The following FZD6 variants were observed in gnomAD, a reference collection of about 807,000 sequenced individuals.
FZD6 encodes the protein frizzled-6.
A neutral mutation model predicts 61.4 loss-of-function variants in FZD6; 49 were observed. The ratio of observed to expected loss-of-function variants is 0.80; its 90% CI spans 0.63 to 1.01. The LOEUF is 1.01. Ranked by LOEUF, FZD6 falls within the 50% of genes least tolerant of loss-of-function variation. The pLI is 0.00. For missense variants in FZD6, 724 were observed against 848.2 expected (o/e 0.85, Z 1.82); for synonymous variants, 265 against 292.2 (o/e 0.91, Z 0.95).
At position 103,325,454 on chromosome 8, in the gene FZD6, G is replaced by A; in HGVS notation, c.1348G>A (p.Val450Ile). Residue 450 changes from valine to isoleucine, a missense_variant, in exon 4 of 7, where the codon GTC becomes ATC. Coordinates refer to ENST00000358755, the MANE Select transcript of FZD6 (RefSeq NM_003506.4). ...CAGGATTACCTGGGAGATAACTTGG[G>A]TCTCTGATCATTGTCGTCAGTACCA... Reference protein sequence around the residue: ...VNRITWEITWVSDHCRQYHIP... With the variant: ...VNRITWEITWISDHCRQYHIP... 6.2e-7 allele frequency: 1 copy of A among 1,613,658 alleles called. No homozygotes were observed. The highest frequency in any genetic ancestry group is 1.7e-5 in the Admixed American group (1 of 60,010).
chr8:103,320,452 G>A (rs1563690751), intron 3 of FZD6, among the ~76,000 whole-genome samples: 1 of 151,634 alleles, frequency 6.6e-6, no homozygotes, highest in South Asian at 2.1e-4. Context: ...AAAGATAAAG[G>A]TGCACTAAAA....
Position 103,332,535 on chromosome 8 carries a change from G to A in FZD6, c.*1026G>A, listed in dbSNP as rs1815171961. 1.3e-5 allele frequency: 2 copies of A among 152,266 alleles called. No individual in the cohort carries two copies. The highest frequency in any genetic ancestry group is 1.5e-5 in the Non-Finnish European group (1 of 68,010). 9.4% of individuals were successfully genotyped at this position (152,266 alleles called of 1,614,324 possible). A position where few individuals can be genotyped will look rare whatever the true frequency, so the allele number is the denominator to read the frequency against. Reference sequence around the variant, plus strand: ...ATTAAAAAGTGTGATAGCGATATTAGTGCCAATCAAATGGAAAAAAGGTAG... The same window carrying A: ...ATTAAAAAGTGTGATAGCGATATTAATGCCAATCAAATGGAAAAAAGGTAG... On this transcript the variant is annotated 3_prime_UTR_variant, in exon 7 of 7. Transcript: ENST00000358755.
Position 103,330,047 on chromosome 8 carries a change from G to T in FZD6, c.1934G>T (p.Ser645Ile), listed in dbSNP as rs371961225. 1 of 1,613,924 alleles carries T rather than the reference G, an allele frequency of 6.2e-7. No homozygotes were observed. Among genetic ancestry groups the T allele is most frequent in the East Asian group, 2.2e-5 (1 of 44,900 alleles). ...GKGQAGSVSE[S>I]ARSEGRISPK... ...GGCCAGGCAGGCAGTGTATCTGAAAGTGCGCGGAGTGAAGGAAGGTGAGAT... is the reference window on the plus strand; with the variant it reads ...GGCCAGGCAGGCAGTGTATCTGAAATTGCGCGGAGTGAAGGAAGGTGAGAT... The change falls in exon 6 of 7, where the codon AGT becomes ATT. Residue 645 changes from serine to isoleucine, a missense_variant. Physicochemically the swap from Ser to Ile is moderately radical, Grantham distance 142. Transcript: ENST00000358755.
intron 2 of FZD6, among the ~76,000 whole-genome samples, chr8:103,309,332 A>G (rs1814430667): frequency 6.6e-6 from 1 of 152,220 alleles, no homozygotes; most frequent in Non-Finnish European, 1.5e-5. Context: ...AGAACTGGCT[A>G]GCTTAGAGAG....
At chr8:103,327,465 G>A (rs575790439) in intron 4 of FZD6, among the ~76,000 whole-genome samples, 6 of 152,206 alleles carry the variant, frequency 3.9e-5, no homozygotes, top group Admixed American at 6.5e-5. Flanking sequence ...GCATGGTGGC[G>A]TACACTTGTA....
intron 3 of FZD6, among the ~76,000 whole-genome samples, chr8:103,319,858 G>T (rs540813471): frequency 1.3e-3 from 198 of 152,316 alleles, no homozygotes; most frequent in African/African-American, 4.4e-3. Flanking sequence ...TGAAGAGGAA[G>T]TAAAGCCAGA....
chr8:103,327,485 A>G (rs1251471965), intron 4 of FZD6, among the ~76,000 whole-genome samples: 4 of 152,156 alleles, frequency 2.6e-5, no homozygotes, highest in Non-Finnish European at 5.9e-5. Flanking sequence ...AGTCCCAGCT[A>G]CTTGGGAGGC....
At chr8:103,308,472 G>A (rs1360358217) in intron 2 of FZD6, among the ~76,000 whole-genome samples, 1 of 152,100 alleles carries the variant, frequency 6.6e-6, no homozygotes, top group Non-Finnish European at 1.5e-5. Flanking sequence ...AACATAGACA[G>A]TGATTGAAGT....
chr8:103,316,682 T>C (rs1193645522), intron 2 of FZD6, among the ~76,000 whole-genome samples: 1 of 152,238 alleles, frequency 6.6e-6, no homozygotes, highest in Non-Finnish European at 1.5e-5. Context: ...ATAGTCATTT[T>C]TTCATTTTCT....
chr8:103,298,518 G>C (rs1814035209), upstream of FZD6: 1 of 152,242 alleles, frequency 6.6e-6, no homozygotes, highest in African/African-American at 2.4e-5. Flanking sequence ...AAATCCGCAA[G>C]GAAGTGGGTT....
intron 2 of FZD6, among the ~76,000 whole-genome samples, chr8:103,307,570 T>A (rs1319192091): frequency 6.6e-6 from 1 of 152,218 alleles, no homozygotes; most frequent in African/African-American, 2.4e-5. Flanking sequence ...CTTAGATTAC[T>A]TTTTTGCCCT....
chr8:103,307,929 C>T, intron 2 of FZD6: 1 of 456,064 alleles, frequency 2.2e-6, no homozygotes, highest in South Asian at 1.5e-5. Context: ...GTGAGGACAA[C>T]TCTTGGATGG....
At chr8:103,304,048 G>C (rs1586501792) in intron 2 of FZD6, among the ~76,000 whole-genome samples, 1 of 152,122 alleles carries the variant, frequency 6.6e-6, no homozygotes, top group East Asian at 1.9e-4. Flanking sequence ...CTAAAGATCA[G>C]ATTGGGTTTT....
chr8:103,306,494 CTTTTTT>C (rs71292793), intron 2 of FZD6, among the ~76,000 whole-genome samples: 6 of 65,224 alleles, frequency 9.2e-5, no homozygotes, highest in South Asian at 8.4e-4. Flanking sequence ...AGGTTCATCA[CTTTTTT>C]TTTTTTTTTT....
At chr8:103,314,546 A>G (rs1421429590) in intron 2 of FZD6, among the ~76,000 whole-genome samples, 1 of 152,124 alleles carries the variant, frequency 6.6e-6, no homozygotes, top group African/African-American at 2.4e-5. Flanking sequence ...AAAGGATCCA[A>G]TCTCAGAGCA....
rs1160809849 is a variant in FZD6, at chr8:103,329,816, A to C, written c.1703A>C (p.His568Pro). 2 of 1,614,058 alleles carry C rather than the reference A, an allele frequency of 1.2e-6. No homozygotes were observed. Among genetic ancestry groups the C allele is most frequent in the Non-Finnish European group, 1.7e-6 (2 of 1,179,982 alleles). The change falls in exon 6 of 7, where the codon CAT becomes CCT. Residue 568 changes from histidine (H) to proline (P), a missense_variant. Transcript: ENST00000358755. ...MGTSTGATAN[H>P]GTSAVAITSH... Reference sequence around the variant, plus strand: ...ACCAGCACAGGAGCTACAGCAAATCATGGCACTTCTGCAGTAGCAATTACT... The same window carrying C: ...ACCAGCACAGGAGCTACAGCAAATCCTGGCACTTCTGCAGTAGCAATTACT...
intron 5 of FZD6, among the ~76,000 whole-genome samples, chr8:103,328,623 C>T (rs1439716344): frequency 4.0e-5 from 6 of 151,698 alleles, no homozygotes; most frequent in Admixed American, 3.9e-4. Context: ...TACTATTTAT[C>T]ATATAGTATA....
At chr8:103,306,756 C>T (rs184533283) in intron 2 of FZD6, among the ~76,000 whole-genome samples, 158 of 152,024 alleles carry the variant, frequency 1.0e-3, no homozygotes, top group African/African-American at 3.4e-3. Flanking sequence ...CCACCCACCT[C>T]GGCCTCCCAA....
In FZD6 at chr8:103,318,246, CA is replaced by C. The variant is rs1438524273; in HGVS notation, c.178-340del. 2.6e-5 allele frequency among the ~76,000 whole-genome samples: 4 copies of C among 152,234 alleles called. No individual in the cohort carries two copies. The East Asian group carries it at 7.7e-4, about 29-fold the overall frequency. On this transcript the variant is annotated intron_variant, in intron 2 of 6. Coordinates refer to ENST00000358755, the MANE Select transcript of FZD6 (RefSeq NM_003506.4). The stretch of plus-strand genomic sequence containing the variant: ...GAATTCGTGTCCTAGAAGACAAGTG[CA>C]AAAGGGGCCTCAAGAGGAAGCTAGG...
Sources: gnomAD v4.1 joint callset for allele counts (sites outside exome capture counted in the v4.1 genomes callset) on GRCh38, gnomAD v4.1.1 for gene constraint, MANE v1.5 for transcripts, NCBI Gene and HGNC (gene_info 2026-07-23, HGNC 2026-07-21) for gene names.